The following RASGEF1C variants were observed in gnomAD, a reference collection of about 807,000 sequenced individuals.
The protein encoded by RASGEF1C is RasGEF domain family member 1C, also known as ras-GEF domain-containing family member 1C.
A neutral mutation model predicts 58.1 loss-of-function variants in RASGEF1C; 27 were observed. The observed-to-expected ratio is 0.46, with a 90% confidence interval of 0.34 to 0.64. The LOEUF is 0.64. Ranked by LOEUF, RASGEF1C falls within the 30% of genes least tolerant of loss-of-function variation. RASGEF1C has a pLI of 0.01. For missense variants in RASGEF1C, 502 were observed against 605.1 expected (o/e 0.83, Z 1.79); for synonymous variants, 243 against 246.3 (o/e 0.99, Z 0.13).
chr5:180,123,702 TAA>T (rs1265378488), intron 6 of RASGEF1C, among the ~76,000 whole-genome samples: 2 of 151,572 alleles, frequency 1.3e-5, no homozygotes, highest in African/African-American at 2.4e-5. Context: ...AAGGAAATAA[TAA>T]AGAGTAGAGA....
chr5:180,103,140 C>G (rs547383010), intron 12 of RASGEF1C, among the ~76,000 whole-genome samples: 3 of 152,152 alleles, frequency 2.0e-5, no homozygotes, highest in East Asian at 1.9e-4. Flanking sequence ...TGCAGTGGCG[C>G]GATCTCGGCT....
chr5:180,102,591 G>T (rs1345439761), intron 12 of RASGEF1C, among the ~76,000 whole-genome samples: 1 of 152,156 alleles, frequency 6.6e-6, no homozygotes, highest in African/African-American at 2.4e-5. Context: ...GCTTGGGCTG[G>T]GGTTCATGTT....
intron 1 of RASGEF1C, among the ~76,000 whole-genome samples, chr5:180,142,966 G>C (rs1005109002): frequency 6.6e-6 from 1 of 152,152 alleles, no homozygotes; most frequent in African/African-American, 2.4e-5. Context: ...ACAGCCCCAA[G>C]TGGCTGAGGC....
chr5:180,179,013 G>A (rs1398149465), intron 1 of RASGEF1C, among the ~76,000 whole-genome samples: 1 of 152,074 alleles, frequency 6.6e-6, no homozygotes, highest in African/African-American at 2.4e-5. Flanking sequence ...TGGGGCCTGG[G>A]GCCGGGAGGA....
At chr5:180,144,802 C>G (rs375181436) in intron 1 of RASGEF1C, among the ~76,000 whole-genome samples, 3 of 152,144 alleles carry the variant, frequency 2.0e-5, no homozygotes, top group African/African-American at 7.2e-5. Flanking sequence ...CACTAACTCC[C>G]CAATTTCTCC....
chr5:180,112,110 C>G (rs1456583779), intron 11 of RASGEF1C, among the ~76,000 whole-genome samples: 1 of 152,168 alleles, frequency 6.6e-6, no homozygotes, highest in Non-Finnish European at 1.5e-5. Flanking sequence ...TTACCTGTCC[C>G]TGGCCTCAGC....
intron 1 of RASGEF1C, among the ~76,000 whole-genome samples, chr5:180,144,344 G>T (rs1426787698): frequency 6.6e-6 from 1 of 152,238 alleles, no homozygotes; most frequent in Non-Finnish European, 1.5e-5. Flanking sequence ...CTCAAAGGCT[G>T]TGGTGGGTCC....
At chr5:180,102,596 C>T (rs1461655355) in intron 12 of RASGEF1C, among the ~76,000 whole-genome samples, 1 of 152,154 alleles carries the variant, frequency 6.6e-6, no homozygotes, top group East Asian at 1.9e-4. Flanking sequence ...GGCTGGGGTT[C>T]ATGTTTTGGT....
At chr5:180,145,853 C>T (rs796123322) in intron 1 of RASGEF1C, among the ~76,000 whole-genome samples, 9 of 152,288 alleles carry the variant, frequency 5.9e-5, no homozygotes, top group African/African-American at 2.2e-4. Flanking sequence ...AGGCAGCTAG[C>T]CCCAAGAGTC....
intron 1 of RASGEF1C, among the ~76,000 whole-genome samples, chr5:180,153,453 T>G (rs1766797655): frequency 6.6e-6 from 1 of 152,214 alleles, no homozygotes; most frequent in African/African-American, 2.4e-5. Context: ...CCTCTGGAGC[T>G]GCAAGCTTTC....
intron 1 of RASGEF1C, among the ~76,000 whole-genome samples, chr5:180,140,150 C>T (rs888371039): frequency 3.3e-5 from 5 of 152,192 alleles, no homozygotes; most frequent in African/African-American, 1.2e-4. Flanking sequence ...TCCAGCTCTG[C>T]TCTGGAGCGA....
At chr5:180,108,095 C>A (rs1445785811) in intron 12 of RASGEF1C, among the ~76,000 whole-genome samples, 1 of 152,106 alleles carries the variant, frequency 6.6e-6, no homozygotes, top group Non-Finnish European at 1.5e-5. Context: ...CTTTTTCAGT[C>A]CTGCCCTCTT....
At chr5:180,139,167 C>G (rs1477523517) in intron 1 of RASGEF1C, among the ~76,000 whole-genome samples, 1 of 152,156 alleles carries the variant, frequency 6.6e-6, no homozygotes, top group Non-Finnish European at 1.5e-5. Context: ...GGAGCCCATG[C>G]TTACTCTCAG....
chr5:180,158,410 T>C lies in RASGEF1C; in HGVS notation c.-6-20352A>G, dbSNP rs1766883044. Among the ~76,000 whole-genome samples the C allele has an allele frequency of 6.6e-6, 1 of 152,232 alleles. No homozygotes were observed. The highest frequency in any genetic ancestry group is 1.5e-5 in the Non-Finnish European group (1 of 68,046). On this transcript the variant is annotated intron_variant, in intron 1 of 13. Coordinates refer to ENST00000361132, the MANE Select transcript of RASGEF1C (RefSeq NM_175062.4). This position sits in a 1 kb window ranked among gnomAD's most constrained non-coding sequence, Gnocchi z 4.0. ...AGAAGAGGTGCTTAGGAAGTAAATG[T>C]TTAAGATCTCACATGCCTGTAAACG...
intron 1 of RASGEF1C, among the ~76,000 whole-genome samples, chr5:180,171,421 A>G (rs1561749951): frequency 6.6e-6 from 1 of 152,106 alleles, no homozygotes; most frequent in Non-Finnish European, 1.5e-5. Flanking sequence ...CAACCCGCCC[A>G]TGAGAAGATG....
chr5:180,191,409 T>G (rs1016846393), intron 1 of RASGEF1C, among the ~76,000 whole-genome samples: 1 of 152,004 alleles, frequency 6.6e-6, no homozygotes, highest in Non-Finnish European at 1.5e-5. Flanking sequence ...CAGGCTGGAG[T>G]GCAGTGGCGC....
intron 1 of RASGEF1C, among the ~76,000 whole-genome samples, chr5:180,167,152 C>CT (rs1332930010): frequency 3.3e-5 from 5 of 151,966 alleles, no homozygotes; most frequent in Admixed American, 6.6e-5. Flanking sequence ...TTTTCAAATG[C>CT]TTTTTTTCTG....
intron 1 of RASGEF1C, chr5:180,138,455 G>A (rs1006084580): frequency 6.1e-6 from 1 of 163,444 alleles, no homozygotes; most frequent in African/African-American, 2.4e-5. Flanking sequence ...TCCAAATTAG[G>A]GGGGCTCAGC....
At chr5:180,118,754 G>A (rs376436919) in intron 9 of RASGEF1C, 33 bp downstream of exon 9, 197 of 1,613,954 alleles carry the variant, frequency 1.2e-4, no homozygotes, top group Non-Finnish European at 5.3e-5. Flanking sequence ...GGGGATGGCC[G>A]GAGGCACCCG....
Sources: gnomAD v4.1 joint callset for allele counts (sites outside exome capture counted in the v4.1 genomes callset) on GRCh38, gnomAD v4.1.1 for gene constraint, Gnocchi (gnomAD v3.1) non-coding constraint, MANE v1.5 for transcripts, NCBI Gene and HGNC (gene_info 2026-07-23, HGNC 2026-07-21) for gene names.